The following HIPK2 variants were observed in gnomAD, a reference collection of about 807,000 sequenced individuals.
HIPK2 encodes homeodomain-interacting protein kinase 2.
HIPK2 carries 27 observed loss-of-function variants against 113.7 expected under a neutral mutation model. The observed-to-expected ratio is 0.24, with a 90% CI of 0.17 to 0.33. HIPK2 has a LOEUF of 0.33. Ranked by LOEUF, HIPK2 falls within the 10% of genes least tolerant of loss-of-function variation. The pLI is 1.00. For synonymous variants in HIPK2, 631 were observed against 642.2 expected, an observed-to-expected ratio of 0.98 and a Z score of 0.26; for missense variants, 1,257 against 1,588.0, an observed-to-expected ratio of 0.79 and a Z score of 3.54.
chr7:139,745,660 T>C (rs1277682496), intron 1 of HIPK2, among the ~76,000 whole-genome samples: 3 of 152,164 alleles, frequency 2.0e-5, no homozygotes, highest in Non-Finnish European at 4.4e-5. Context: ...CCCAGGACTA[T>C]CATTCGCATT....
At chr7:139,744,401 G>A (rs759310613) in intron 1 of HIPK2, among the ~76,000 whole-genome samples, 10 of 152,244 alleles carry the variant, frequency 6.6e-5, no homozygotes, top group Non-Finnish European at 1.2e-4. Flanking sequence ...ATTAGTGGTT[G>A]CCAGGGGCTA....
intron 13 of HIPK2, among the ~76,000 whole-genome samples, chr7:139,578,093 T>A (rs1047077849): frequency 1.3e-5 from 2 of 152,112 alleles, no homozygotes; most frequent in Admixed American, 6.5e-5. Flanking sequence ...CACTGCAGCC[T>A]CCGCCTCCCG....
At chr7:139,652,290 G>A (rs960165863) in intron 2 of HIPK2, among the ~76,000 whole-genome samples, 3 of 152,146 alleles carry the variant, frequency 2.0e-5, no homozygotes, top group African/African-American at 7.2e-5. Context: ...TGCATAAGAC[G>A]CTGCTCACGA....
At chr7:139,733,117 C>T (rs1348930336) in intron 1 of HIPK2, among the ~76,000 whole-genome samples, 1 of 152,174 alleles carries the variant, frequency 6.6e-6, no homozygotes, top group Non-Finnish European at 1.5e-5. Context: ...TCCTCCTTCA[C>T]CTTCCACCAT....
intron 1 of HIPK2, among the ~76,000 whole-genome samples, chr7:139,744,913 A>T (rs1796165467): frequency 6.6e-6 from 1 of 152,226 alleles, no homozygotes; most frequent in Non-Finnish European, 1.5e-5. Context: ...CCTACATAAA[A>T]TGCTAGTGCT....
chr7:139,700,167 G>A (rs938050353), intron 2 of HIPK2, among the ~76,000 whole-genome samples: 1,580 of 152,266 alleles, frequency 0.01, 33 homozygotes, highest in African/African-American at 0.036. Flanking sequence ...GAAATCAGAC[G>A]TGTTTTCAAG....
At chr7:139,754,934 C>T (rs570071142) in intron 1 of HIPK2, among the ~76,000 whole-genome samples, 8 of 152,222 alleles carry the variant, frequency 5.3e-5, no homozygotes, top group South Asian at 2.1e-4. Flanking sequence ...ATGGTTCATA[C>T]GGATGATACC....
At chr7:139,777,056 T>C (rs1796776736) in intron 1 of HIPK2, 2 of 152,198 alleles carry the variant, frequency 1.3e-5, no homozygotes, top group African/African-American at 2.4e-5. Context: ...ATTTCATTGT[T>C]CTGCCTGGCT....
intron 9 of HIPK2, among the ~76,000 whole-genome samples, chr7:139,611,179 TAAC>T (rs1020898571): frequency 1.3e-4 from 20 of 152,320 alleles, no homozygotes; most frequent in African/African-American, 3.6e-4. Flanking sequence ...CTCGTGTGGG[TAAC>T]AACAAGAAGA....
In HIPK2 at chr7:139,682,126, C is replaced by T. The variant is rs1455543276; in HGVS notation, c.1103+33806G>A. ...GCCCTCACTTGGCACATACCATAGA[C>T]CACGTTGCTTCCACTCCTCAGAAGG... On this transcript the variant is annotated intron_variant, in intron 2 of 14. Transcript: ENST00000406875. 2.6e-5 allele frequency among the ~76,000 whole-genome samples: 4 copies of T among 152,192 alleles called. 1 individual carries two copies. Among genetic ancestry groups the T allele is most frequent in the Admixed American group, 2.0e-4 (3 of 15,278 alleles).
chr7:139,685,698 TA>T (rs1794196378), intron 2 of HIPK2, among the ~76,000 whole-genome samples: 1 of 152,248 alleles, frequency 6.6e-6, no homozygotes, highest in Non-Finnish European at 1.5e-5. Flanking sequence ...CTGTGCTTTA[TA>T]AATGGAACTG....
rs1796457616 is a variant in HIPK2, at chr7:139,761,169, G to A, written c.19+16436C>T. ...CTTTCCAGTGGGAACCATGTGTCAG[G>A]GTAACCAGACGGCCCCAGGCAGTAC... On this transcript the variant is annotated intron_variant, in intron 1 of 14. Transcript: ENST00000406875. Among the ~76,000 whole-genome samples the A allele has an allele frequency of 5.3e-5, 8 of 152,312 alleles. No individual in the cohort carries two copies. In the South Asian group the frequency reaches 1.4e-3, roughly 28 times the overall value.
chr7:139,669,485 A>G (rs1243474047), intron 2 of HIPK2, among the ~76,000 whole-genome samples: 1 of 152,246 alleles, frequency 6.6e-6, no homozygotes, highest in African/African-American at 2.4e-5. Context: ...TCATTGGTGA[A>G]TGACAAAATG....
In HIPK2 at chr7:139,741,291, G is replaced by A. The variant is rs558188520; in HGVS notation, c.20-24276C>T. ...CCCTTCACTTTTCATCCATGTGTGC[G>A]CCCTGGGGAGACACTCGGTTTCATC... On this transcript the variant is annotated intron_variant, in intron 1 of 14. Coordinates refer to ENST00000406875, the MANE Select transcript of HIPK2 (RefSeq NM_022740.5). Among the ~76,000 whole-genome samples the A allele has an allele frequency of 1.2e-4, 18 of 152,136 alleles. No individual in the cohort carries two copies. The Middle Eastern group carries it at 0.01, about 86-fold the overall frequency.
intron 2 of HIPK2, among the ~76,000 whole-genome samples, chr7:139,696,379 T>A (rs1237323200): frequency 1.3e-5 from 2 of 151,770 alleles, no homozygotes; most frequent in African/African-American, 4.8e-5. Context: ...TTGAGACAAG[T>A]CTGGGCATCA....
chr7:139,707,846 A>C (rs1363056424), intron 2 of HIPK2, among the ~76,000 whole-genome samples: 1 of 152,290 alleles, frequency 6.6e-6, no homozygotes, highest in African/African-American at 2.4e-5. Context: ...TCATGCAGGA[A>C]GGAAGGCACG....
chr7:139,623,835 C>T (rs1258000129), intron 6 of HIPK2, among the ~76,000 whole-genome samples: 1 of 152,172 alleles, frequency 6.6e-6, no homozygotes, highest in African/African-American at 2.4e-5. Flanking sequence ...GCACAATTCT[C>T]ACATCTCCAG....
chr7:139,593,071 G>A (rs960678640), intron 12 of HIPK2, among the ~76,000 whole-genome samples: 11 of 152,212 alleles, frequency 7.2e-5, no homozygotes, highest in Admixed American at 4.6e-4. Context: ...GCACACAGTG[G>A]CATAGTGGTA....
At chr7:139,682,231 C>G (rs1433904583) in intron 2 of HIPK2, among the ~76,000 whole-genome samples, 1 of 152,188 alleles carries the variant, frequency 6.6e-6, no homozygotes, top group Non-Finnish European at 1.5e-5. Context: ...CCTCTCCAGC[C>G]TCATCATCCA....
Sources: gnomAD v4.1 joint callset for allele counts (sites outside exome capture counted in the v4.1 genomes callset) on GRCh38, gnomAD v4.1.1 for gene constraint, MANE v1.5 for transcripts, NCBI Gene and HGNC (gene_info 2026-07-23, HGNC 2026-07-21) for gene names.